NCALD: variants seen among roughly 807,000 people sequenced by gnomAD.
The protein encoded by NCALD is neurocalcin delta.
In NCALD, 10 loss-of-function variants were observed where a neutral mutation model predicts 18.6. The ratio of observed to expected loss-of-function variants is 0.54; its 90% CI spans 0.33 to 0.91. The LOEUF is 0.91. Among genes scored for constraint, NCALD ranks in the 40% least tolerant of loss-of-function variants. The probability of loss-of-function intolerance (pLI) is 0.03; values close to 1 mark genes in which losing one functional copy is unlikely to be tolerated. For synonymous variants in NCALD, 88 were observed against 87.4 expected (o/e 1.01, Z -0.04); for missense variants, 184 against 247.6 (o/e 0.74, Z 1.72).
chr8:102,119,632 C>A (rs535562012), intron 1 of NCALD, among the ~76,000 whole-genome samples: 15 of 152,282 alleles, frequency 9.9e-5, no homozygotes, highest in African/African-American at 3.4e-4. Context: ...TTATTGCTTG[C>A]CTATGGCACA....
At chr8:102,029,229 G>A (rs1822577419) in intron 1 of NCALD, 1 of 152,154 alleles carries the variant, frequency 6.6e-6, no homozygotes, top group Admixed American at 6.6e-5. Flanking sequence ...GATGTCCATA[G>A]GAAAGACAGG....
intron 3 of NCALD, among the ~76,000 whole-genome samples, chr8:101,897,512 A>G (rs1244282766): frequency 6.7e-6 from 1 of 149,820 alleles, no homozygotes; most frequent in Non-Finnish European, 1.5e-5. Context: ...AACTTAAAGT[A>G]TAATAAAAAA....
At chr8:101,776,383 A>G (rs1811791658) in intron 1 of NCALD, among the ~76,000 whole-genome samples, 1 of 152,194 alleles carries the variant, frequency 6.6e-6, no homozygotes, top group South Asian at 2.1e-4. Context: ...TGAATAGAAT[A>G]ACACATCTAA....
intron 1 of NCALD, among the ~76,000 whole-genome samples, chr8:102,058,367 G>GTTA (rs1250913672): frequency 6.6e-6 from 1 of 152,156 alleles, no homozygotes; most frequent in Non-Finnish European, 1.5e-5. Flanking sequence ...GGGTCAGTGA[G>GTTA]TTAGACAGAT....
At chr8:102,066,197 A>G (rs1480997909) in intron 1 of NCALD, among the ~76,000 whole-genome samples, 1 of 152,212 alleles carries the variant, frequency 6.6e-6, no homozygotes, top group Non-Finnish European at 1.5e-5. Flanking sequence ...GTGCTCCACA[A>G]TTGTCACAAT....
chr8:102,102,102 T>C (rs1825302910), intron 1 of NCALD, among the ~76,000 whole-genome samples: 1 of 152,248 alleles, frequency 6.6e-6, no homozygotes, highest in Non-Finnish European at 1.5e-5. Context: ...ATGAAGCACA[T>C]AATGTCTTTT....
chr8:101,893,780 A>T (rs1332604823), intron 3 of NCALD, among the ~76,000 whole-genome samples: 3 of 140,896 alleles, frequency 2.1e-5, no homozygotes, highest in Non-Finnish European at 3.0e-5. Flanking sequence ...CCATTACATA[A>T]TGGTAAAGGG....
chr8:101,816,201 A>G (rs758428650), intron 4 of NCALD, among the ~76,000 whole-genome samples: 4 of 152,188 alleles, frequency 2.6e-5, no homozygotes, highest in Non-Finnish European at 4.4e-5. Flanking sequence ...TGCATATGAT[A>G]CTGAAAGGTG....
At chr8:101,834,907 A>G (rs1450798071) in intron 4 of NCALD, among the ~76,000 whole-genome samples, 1 of 152,212 alleles carries the variant, frequency 6.6e-6, no homozygotes, top group Non-Finnish European at 1.5e-5. Flanking sequence ...AGGGTAGGGC[A>G]CAGGGTGAAG....
At chr8:102,023,820 ATCGTGGTGCCTTGACCCG>A (rs945781240) in intron 1 of NCALD, among the ~76,000 whole-genome samples, 7 of 148,798 alleles carry the variant, frequency 4.7e-5, no homozygotes, top group African/African-American at 1.7e-4. Flanking sequence ...GGATCTTGTC[ATCGTGGTGCCTTGACCCG>A]TCCTAGCTGT....
At chr8:101,818,530 C>T (rs1813593373) in intron 4 of NCALD, among the ~76,000 whole-genome samples, 1 of 152,192 alleles carries the variant, frequency 6.6e-6, no homozygotes. Context: ...ATTTTTCAAT[C>T]AATGTGGGCT....
At chr8:101,882,295 G>A (rs1368035936) in intron 4 of NCALD, among the ~76,000 whole-genome samples, 1 of 152,118 alleles carries the variant, frequency 6.6e-6, no homozygotes. Flanking sequence ...AACCCCCAAG[G>A]TGATTATATT....
chr8:101,740,712 G>C (rs1166985501), intron 1 of NCALD, among the ~76,000 whole-genome samples: 2 of 152,066 alleles, frequency 1.3e-5, no homozygotes, highest in Admixed American at 1.3e-4. Context: ...CAAACAGACA[G>C]ACAAAAAAAC....
chr8:102,091,174 C>A (rs1248864264), intron 1 of NCALD, among the ~76,000 whole-genome samples: 2 of 152,148 alleles, frequency 1.3e-5, no homozygotes, highest in African/African-American at 4.8e-5. Context: ...AACAGAGTTC[C>A]ACTGAAGCCA....
intron 1 of NCALD, among the ~76,000 whole-genome samples, chr8:102,024,515 A>G (rs2132113999): frequency 6.6e-6 from 1 of 152,270 alleles, no homozygotes; most frequent in Admixed American, 6.5e-5. Flanking sequence ...GCAAATCAAA[A>G]CACCATCGAT....
intron 2 of NCALD, among the ~76,000 whole-genome samples, chr8:101,987,572 G>C (rs1394027499): frequency 6.6e-6 from 1 of 152,142 alleles, no homozygotes; most frequent in African/African-American, 2.4e-5. Flanking sequence ...ATCCAAGACA[G>C]AGGCAGGATG....
At chr8:102,060,653 G>A (rs760505931) in intron 1 of NCALD, among the ~76,000 whole-genome samples, 3 of 152,144 alleles carry the variant, frequency 2.0e-5, no homozygotes, top group Non-Finnish European at 2.9e-5. Context: ...TGTGGGCCTG[G>A]GAAGCACAGG....
chr8:101,862,722 T>C (rs1243096243), intron 4 of NCALD, among the ~76,000 whole-genome samples: 1 of 152,150 alleles, frequency 6.6e-6, no homozygotes, highest in Non-Finnish European at 1.5e-5. Flanking sequence ...AAATAGAAAA[T>C]CCCTCCTTCA....
chr8:101,894,976 C>G (rs1440484309), intron 3 of NCALD, among the ~76,000 whole-genome samples: 1 of 150,778 alleles, frequency 6.6e-6, no homozygotes, highest in African/African-American at 2.5e-5. Context: ...CTACTCCAAT[C>G]AATAGAAAAA....
Sources: allele counts gnomAD v4.1 joint callset (sites outside exome capture counted in the v4.1 genomes callset), GRCh38; gene constraint gnomAD v4.1.1; transcripts MANE v1.5; gene names NCBI Gene and HGNC (gene_info 2026-07-23, HGNC 2026-07-21).